The following RPUSD4 variants were observed in gnomAD, a reference collection of about 807,000 sequenced individuals.
The protein encoded by RPUSD4 is RNA pseudouridine synthase D4.
In RPUSD4, 37 loss-of-function variants were observed where a neutral mutation model predicts 35.4. The observed-to-expected ratio is 1.04, with a 90% CI of 0.80 to 1.37. The LOEUF (loss-of-function observed/expected upper bound fraction) is 1.37. Ranked by LOEUF, RPUSD4 falls within the 40% of genes most tolerant of loss-of-function variation. RPUSD4 has a pLI of 0.00. For synonymous variants in RPUSD4, 210 were observed against 192.7 expected, an observed-to-expected ratio of 1.09 and a Z score of -0.74; for missense variants, 507 against 484.9, an observed-to-expected ratio of 1.05 and a Z score of -0.43.
In RPUSD4 at chr11:126,205,448, C is replaced by G; in HGVS notation, c.796+20G>C. ...GGCACAGGGTTTTGTGATCCCACTG[C>G]GGAAAAGTGACACTCTCACCAGTGA... On this transcript the variant is annotated intron_variant, in intron 5 of 6. Coordinates refer to ENST00000298317, the MANE Select transcript of RPUSD4 (RefSeq NM_032795.3). 1 of 1,613,714 alleles carries G rather than the reference C, an allele frequency of 6.2e-7. No individual in the cohort carries two copies. The highest frequency in any genetic ancestry group is 8.5e-7 in the Non-Finnish European group (1 of 1,179,682).
chr11:126,210,978 G>T lies in RPUSD4; in HGVS notation c.267C>A (p.Asn89Lys). ...CTCGGGTCAGTGCCTTAGCAAGCAC[G>T]TTGGGGTGGACTCGCTGCAGCTGCC... The part of the protein sequence containing the change: ...FTRQLQRVHP[N>K]VLAKALTRGI... Residue 89 changes from asparagine to lysine, a missense_variant, in exon 2 of 7, where the codon AAC (asparagine) becomes AAA (lysine). Asn to Lys is a moderately conservative substitution (Grantham distance 94). Coordinates refer to ENST00000298317, the MANE Select transcript of RPUSD4 (RefSeq NM_032795.3). 6.2e-7 allele frequency: 1 copy of T among 1,614,126 alleles called. No individual in the cohort carries two copies. The highest frequency in any genetic ancestry group is 2.2e-5 in the East Asian group (1 of 44,876).
Position 126,211,424 on chromosome 11 carries a change from G to C in RPUSD4, c.189+26C>G, listed in dbSNP as rs552914441. 69 of 1,593,420 alleles carry C rather than the reference G, an allele frequency of 4.3e-5. 1 individual carries two copies. The South Asian group carries it at 7.4e-4, about 17-fold the overall frequency. On this transcript the variant is annotated intron_variant, in intron 1 of 6. Coordinates refer to ENST00000298317, the MANE Select transcript of RPUSD4 (RefSeq NM_032795.3). ...GAAACCAATGAGCGCACTGCCTCTA[G>C]GGAGTTCTGGTCCCTTTGGACTCAC...
chr11:126,210,080 C>T (rs546810852), intron 2 of RPUSD4, among the ~76,000 whole-genome samples: 135 of 152,328 alleles, frequency 8.9e-4, no homozygotes, highest in African/African-American at 3.2e-3. Flanking sequence ...GGAGGATAGA[C>T]TTCGGGGTTA....
In RPUSD4 at chr11:126,210,916, T is replaced by C. The variant is rs544264414; in HGVS notation, c.329A>G (p.Asn110Ser). Reference protein sequence around the residue: ...LHQDKNLVVINKPYGLPVHGG... With the variant: ...LHQDKNLVVISKPYGLPVHGG... The stretch of plus-strand genomic sequence containing the variant: ...ATGCACAGGGAGACCGTAGGGCTTA[T>C]TGATGACCACAAGGTTCTTGTCCTG... Residue 110 changes from asparagine (N) to serine (S), a missense_variant, in exon 2 of 7, where the codon AAT becomes AGT. Asn to Ser is a conservative substitution (Grantham distance 46). Transcript: ENST00000298317. 31 of 1,614,222 alleles carry C rather than the reference T, an allele frequency of 1.9e-5. No individual in the cohort carries two copies. Among genetic ancestry groups the C allele is most frequent in the Admixed American group, 6.7e-5 (4 of 60,028 alleles).
At chr11:126,203,749 C>A in intron 6 of RPUSD4, 92 bp from the exon 7 acceptor site, 1 of 1,461,110 alleles carries the variant, frequency 6.8e-7, no homozygotes, top group Non-Finnish European at 9.2e-7. Flanking sequence ...TTACAGGGAA[C>A]CAAAACTAAC....
intron 3 of RPUSD4, among the ~76,000 whole-genome samples, chr11:126,207,121 T>C (rs1949781798): frequency 6.6e-6 from 1 of 152,242 alleles, no homozygotes; most frequent in East Asian, 1.9e-4. Context: ...ATGAACTAGG[T>C]ACTGTGTTAA....
chr11:126,208,996 T>C (rs1949808430), intron 3 of RPUSD4: 1 of 151,894 alleles, frequency 6.6e-6, no homozygotes. Context: ...AATTAATTAA[T>C]TTTTTTTTCT....
Position 126,202,626 on chromosome 11 carries a change from G to A in RPUSD4, c.*792C>T, listed in dbSNP as rs964941538. 6.6e-6 allele frequency: 1 copy of A among 152,204 alleles called. No individual in the cohort carries two copies. Among genetic ancestry groups the A allele is most frequent in the Non-Finnish European group, 1.5e-5 (1 of 68,052 alleles). 9.4% of individuals were successfully genotyped at this position (152,204 alleles called of 1,614,324 possible). ...CCTGTAGACCAAATTCAACCTCTAA[G>A]TATTATTTGCTTAGGTGCCTAAGCA... On this transcript the variant is annotated 3_prime_UTR_variant, in exon 7 of 7. Transcript: ENST00000298317.
At chr11:126,209,014 C>T (rs1206229575) in intron 3 of RPUSD4, 4 of 152,104 alleles carry the variant, frequency 2.6e-5, no homozygotes, top group African/African-American at 7.2e-5. Flanking sequence ...TCTTTAGAGA[C>T]AGGATCTCAC....
intron 6 of RPUSD4, among the ~76,000 whole-genome samples, chr11:126,203,990 C>T (rs1160501867): frequency 6.6e-6 from 1 of 152,192 alleles, no homozygotes; most frequent in Admixed American, 6.5e-5. Context: ...CCCTTGTCCA[C>T]AGCCTCCCAA....
intron 3 of RPUSD4, among the ~76,000 whole-genome samples, chr11:126,207,548 G>T (rs1256145193): frequency 6.6e-6 from 1 of 152,140 alleles, no homozygotes; most frequent in African/African-American, 2.4e-5. Flanking sequence ...AAATAGAAAA[G>T]AATAAACAAC....
In RPUSD4 at chr11:126,203,237, C is replaced by T. The variant is rs1949731760; in HGVS notation, c.*181G>A. ...ATAGACTTTGTTCTCCATTAAAAGCCCTGTAGCAGCTGAGTTGCTTTACCT... is the reference window on the plus strand; with the variant it reads ...ATAGACTTTGTTCTCCATTAAAAGCTCTGTAGCAGCTGAGTTGCTTTACCT... On this transcript the variant is annotated 3_prime_UTR_variant, in exon 7 of 7. Coordinates refer to ENST00000298317, the MANE Select transcript of RPUSD4 (RefSeq NM_032795.3). The T allele has an allele frequency of 1.3e-6, 1 of 789,436 alleles. No individual in the cohort carries two copies. Among genetic ancestry groups the T allele is most frequent in the African/African-American group, 1.7e-5 (1 of 57,956 alleles). The allele number at this position is 789,436 out of a possible 1,614,324, so 48.9% of individuals were successfully genotyped here.
chr11:126,203,390 C>T lies in RPUSD4; in HGVS notation c.*28G>A. 1 of 1,605,182 alleles carries T rather than the reference C, an allele frequency of 6.2e-7. No homozygotes were observed. Among genetic ancestry groups the T allele is most frequent in the Non-Finnish European group, 8.5e-7 (1 of 1,177,906 alleles). On this transcript the variant is annotated 3_prime_UTR_variant, in exon 7 of 7. Coordinates refer to ENST00000298317, the MANE Select transcript of RPUSD4 (RefSeq NM_032795.3). ...ATGCTCTCAGGGTCTTCACTGTGCT[C>T]CCAGGTGCCAGGGTGCTCCCATGGT...
Position 126,211,459 on chromosome 11 carries a change from C to T in RPUSD4, c.180G>A (p.Lys60=), listed in dbSNP as rs1165208771. 6.2e-7 allele frequency: 1 copy of T among 1,612,768 alleles called. No individual in the cohort carries two copies. Among genetic ancestry groups the T allele is most frequent in the African/African-American group, 1.3e-5 (1 of 74,856 alleles). ...GTCCCTTTGGACTCACCGGCTCCTT[C>T]TTTGTGTCTTGTTCCCGTTTCTGGG... ...LRAQKREQDT[K]KEPVSTNAVQ... is the part of the protein sequence containing the mutation. Residue 60 remains lysine (K), a synonymous_variant, in exon 1 of 7, where the codon AAG becomes AAA. Transcript: ENST00000298317.
Position 126,209,537 on chromosome 11 carries a change from C to T in RPUSD4, c.541G>A (p.Val181Met). The T allele has an allele frequency of 6.2e-7, 1 of 1,614,216 alleles. No homozygotes were observed. Residue 181 changes from valine (V) to methionine (M), a missense_variant, in exon 3 of 7, where the codon GTG becomes ATG. By Grantham distance (21) the Val-to-Met change is conservative. Coordinates refer to ENST00000298317, the MANE Select transcript of RPUSD4 (RefSeq NM_032795.3). ...QVQELFRTRQVVKKYWAITVH... is the reference protein window; with the variant it reads ...QVQELFRTRQMVKKYWAITVH... ...GCCTCATACCAGTACTTCTTCACCA[C>T]CTGACGGGTTCTAAACAACTCTTGG...
In RPUSD4 at chr11:126,203,470, G is replaced by A. The variant is rs1201539736; in HGVS notation, c.1082C>T (p.Pro361Leu). Residue 361 changes from proline (P) to leucine (L), a missense_variant, in exon 7 of 7, where the codon CCA becomes CTA. Pro to Leu is a moderately conservative substitution (Grantham distance 98). Coordinates refer to ENST00000298317, the MANE Select transcript of RPUSD4 (RefSeq NM_032795.3). ...HSLHRLRLEM[P>L]NEDQNENNEA... is the part of the protein sequence containing the mutation. ...ATTGTTCTCATTTTGATCCTCATTTGGCATCTCTAAACGCAGGCGGTGCAG... is the reference window on the plus strand; with the variant it reads ...ATTGTTCTCATTTTGATCCTCATTTAGCATCTCTAAACGCAGGCGGTGCAG... 3.1e-6 allele frequency: 5 copies of A among 1,614,038 alleles called. No homozygotes were observed. Among genetic ancestry groups the A allele is most frequent in the Non-Finnish European group, 4.2e-6 (5 of 1,180,030 alleles).
chr11:126,211,040 C>T lies in RPUSD4; in HGVS notation c.205G>A (p.Val69Ile), dbSNP rs1949857516. Residue 69 changes from valine (V) to isoleucine (I), a missense_variant, in exon 2 of 7, where the codon GTT becomes ATT. Val to Ile is a conservative substitution (Grantham distance 29). Transcript: ENST00000298317. ...TKKEPVSTNA[V>I]QRRVQEIVRF... Reference sequence around the variant, plus strand: ...ACTATTTCTTGCACTCTCCGCTGAACAGCGTTTGTGGACACCTAGGGAGAA... The same window carrying T: ...ACTATTTCTTGCACTCTCCGCTGAATAGCGTTTGTGGACACCTAGGGAGAA... 6.2e-7 allele frequency: 1 copy of T among 1,613,574 alleles called. No individual in the cohort carries two copies. Among genetic ancestry groups the T allele is most frequent in the Non-Finnish European group, 8.5e-7 (1 of 1,180,008 alleles).
In RPUSD4 at chr11:126,209,571, T is replaced by C; in HGVS notation, c.507A>G (p.Ala169=). 2 of 1,614,266 alleles carry C rather than the reference T, an allele frequency of 1.2e-6. No homozygotes were observed. The highest frequency in any genetic ancestry group is 1.7e-6 in the Non-Finnish European group (2 of 1,180,050). Residue 169 remains alanine, a synonymous_variant, in exon 3 of 7, where the codon GCA becomes GCG. Coordinates refer to ENST00000298317, the MANE Select transcript of RPUSD4 (RefSeq NM_032795.3). ...VMVLAWDKDM[A]HQVQELFRTR... ...TTCTAAACAACTCTTGGACTTGATG[T>C]GCCATGTCCTTGTCCCAAGCCAACA...
chr11:126,204,272 C>T lies in RPUSD4; in HGVS notation c.853G>A (p.Gly285Ser), dbSNP rs753707921. Residue 285 changes from glycine to serine, a missense_variant, in exon 6 of 7, where the codon GGT (glycine) becomes AGT (serine). Coordinates refer to ENST00000298317, the MANE Select transcript of RPUSD4 (RefSeq NM_032795.3). ...LSFGLDCPIL[G>S]DHKYSDWNRL... ...TTCCAGTCTGAGTACTTGTGATCAC[C>T]AAGGATTGGACAATCCAATCCAAAA... 13 of 1,613,490 alleles carry T rather than the reference C, an allele frequency of 8.1e-6. No individual in the cohort carries two copies. The East Asian group carries it at 2.5e-4, about 30-fold the overall frequency.
Sources: gnomAD v4.1 joint callset for allele counts (sites outside exome capture counted in the v4.1 genomes callset) on GRCh38, gnomAD v4.1.1 for gene constraint, MANE v1.5 for transcripts, NCBI Gene and HGNC (gene_info 2026-07-23, HGNC 2026-07-21) for gene names.